The following CNTNAP2 variants were observed in gnomAD, a reference collection of about 807,000 sequenced individuals.
CNTNAP2 encodes the protein contactin associated protein 2, also known as contactin-associated protein-like 2.
In CNTNAP2, 98 loss-of-function variants were observed where a neutral mutation model predicts 155.2. The ratio of observed to expected loss-of-function variants is 0.63; its 90% CI spans 0.54 to 0.75. The LOEUF (loss-of-function observed/expected upper bound fraction) is 0.75, where lower values mean the gene tolerates loss of function less well. Ranked by LOEUF, CNTNAP2 falls within the 30% of genes least tolerant of loss-of-function variation. The probability of loss-of-function intolerance (pLI) is 0.00; values close to 1 mark genes in which losing one functional copy is unlikely to be tolerated. For missense variants in CNTNAP2, 1,727 were observed against 1,688.1 expected (o/e 1.02, Z -0.40); for synonymous variants, 651 against 631.2 (o/e 1.03, Z -0.47).
intron 12 of CNTNAP2, among the ~76,000 whole-genome samples, chr7:147,581,125 A>G (rs779087638): frequency 3.2e-4 from 49 of 152,190 alleles, no homozygotes; most frequent in Admixed American, 2.8e-3. Flanking sequence ...ACTGGCCTAG[A>G]GTCAACCATT....
intron 1 of CNTNAP2, among the ~76,000 whole-genome samples, chr7:146,265,586 G>A (rs779244335): frequency 3.3e-5 from 5 of 151,662 alleles, no homozygotes; most frequent in Non-Finnish European, 7.4e-5. Context: ...AGCCTCCTGA[G>A]TAGCTGGGAT....
intron 13 of CNTNAP2, among the ~76,000 whole-genome samples, chr7:147,754,925 A>T (rs1311216887): frequency 2.0e-5 from 3 of 152,238 alleles, no homozygotes; most frequent in African/African-American, 7.2e-5. Context: ...AAAGTTTTTT[A>T]AAAATCAAAA....
At chr7:147,107,822 A>C (rs1159329797) in intron 4 of CNTNAP2, among the ~76,000 whole-genome samples, 1 of 152,140 alleles carries the variant, frequency 6.6e-6, no homozygotes, top group Non-Finnish European at 1.5e-5. Flanking sequence ...GAGATTTAAA[A>C]ATTTTACGAT....
At chr7:148,313,428 G>T (rs1253037143) in intron 21 of CNTNAP2, among the ~76,000 whole-genome samples, 3 of 151,812 alleles carry the variant, frequency 2.0e-5, no homozygotes, top group Non-Finnish European at 4.4e-5. Context: ...TTTTCAGTGG[G>T]GTCCCGCACA....
In CNTNAP2 at chr7:146,232,847, A is replaced by G. The variant is rs143767360; in HGVS notation, c.97+115874A>G. On this transcript the variant is annotated intron_variant, in intron 1 of 23. Coordinates refer to ENST00000361727, the MANE Select transcript of CNTNAP2 (RefSeq NM_014141.6). ...AAAGACATTGACATTTGACGTTGAC[A>G]AAAACAATGTCAAAGACATTGGGGG... Among the ~76,000 whole-genome samples the G allele has an allele frequency of 3.7e-3, 565 of 152,284 alleles. 3 individuals are homozygous for G. The highest frequency in any genetic ancestry group is 6.0e-3 in the Non-Finnish European group (409 of 68,022).
At chr7:147,108,445 A>AG in intron 5 of CNTNAP2, 95 bp downstream of exon 5, 1 of 1,078,512 alleles carries the variant, frequency 9.3e-7, no homozygotes, top group Non-Finnish European at 1.3e-6. Context: ...TAAATTATAA[A>AG]AAGAGCTCAT....
chr7:147,605,914 T>A (rs911827603), intron 12 of CNTNAP2, among the ~76,000 whole-genome samples: 7 of 151,264 alleles, frequency 4.6e-5, no homozygotes, highest in Non-Finnish European at 8.8e-5. Context: ...TTTCTCTCTC[T>A]CTGTGTGTGT....
intron 22 of CNTNAP2, among the ~76,000 whole-genome samples, chr7:148,402,337 A>G (rs1799605046): frequency 6.6e-6 from 1 of 152,110 alleles, no homozygotes; most frequent in African/African-American, 2.4e-5. Context: ...TTTAGAAACT[A>G]GGAAGTGAAG....
chr7:146,735,279 A>ACGGTGG (rs1801592703), intron 1 of CNTNAP2, among the ~76,000 whole-genome samples: 1 of 152,196 alleles, frequency 6.6e-6, no homozygotes, highest in African/African-American at 2.4e-5. Flanking sequence ...GTGGCCAGGC[A>ACGGTGG]CGGTGGCTCA....
chr7:148,273,836 C>A (rs1269914563), intron 21 of CNTNAP2, among the ~76,000 whole-genome samples: 1 of 152,016 alleles, frequency 6.6e-6, no homozygotes, highest in Non-Finnish European at 1.5e-5. Context: ...GGCTAGTAGC[C>A]CCTATATTAT....
In CNTNAP2 at chr7:146,748,143, C is replaced by CTTTTTTT. The variant is rs61495352; in HGVS notation, c.98-26114_98-26108dup. Among the ~76,000 whole-genome samples the CTTTTTTT allele has an allele frequency of 6.1e-3, 601 of 97,844 alleles. 4 individuals carry two copies. The highest frequency in any genetic ancestry group is 0.013 in the African/African-American group (315 of 24,126). The allele number at this position is 97,844 out of a possible 152,430, so 64.2% of individuals were successfully genotyped here. A position where few individuals can be genotyped will look rare whatever the true frequency, so the allele number is the denominator to read the frequency against. ...GTGGTGTTTTCTTTTCTTTTCTTTT[C>CTTTTTTT]TTTTTTTTTTTTTTTTTTTTGAGAA... On this transcript the variant is annotated intron_variant, in intron 1 of 23. Transcript: ENST00000361727.
At chr7:146,326,314 A>G (rs138576807) in intron 1 of CNTNAP2, among the ~76,000 whole-genome samples, 22 of 152,252 alleles carry the variant, frequency 1.4e-4, no homozygotes, top group African/African-American at 5.3e-4. Context: ...TCAATAAACT[A>G]TTCTTGTTTG....
intron 1 of CNTNAP2, among the ~76,000 whole-genome samples, chr7:146,615,194 C>G (rs1563157423): frequency 6.6e-6 from 1 of 151,998 alleles, no homozygotes; most frequent in Non-Finnish European, 1.5e-5. Context: ...TTATAAGGAC[C>G]CTGAGCCTGA....
At chr7:147,470,285 A>G (rs1584753035) in intron 10 of CNTNAP2, among the ~76,000 whole-genome samples, 1 of 152,222 alleles carries the variant, frequency 6.6e-6, no homozygotes, top group Non-Finnish European at 1.5e-5. Flanking sequence ...TAATAGCAGT[A>G]GAGATGGTAG....
At chr7:148,404,426 G>A (rs575095934) in intron 22 of CNTNAP2, among the ~76,000 whole-genome samples, 11 of 152,322 alleles carry the variant, frequency 7.2e-5, no homozygotes, top group East Asian at 3.9e-4. Flanking sequence ...GCAGAGAAAA[G>A]GTGTGTCAAC....
intron 1 of CNTNAP2, among the ~76,000 whole-genome samples, chr7:146,426,393 ATAT>A (rs1796090673): frequency 1.7e-5 from 1 of 58,660 alleles, no homozygotes; most frequent in African/African-American, 1.8e-4. Flanking sequence ...ATGTATATAT[ATAT>A]ATATATATAT....
At chr7:146,350,467 A>G (rs551507310) in intron 1 of CNTNAP2, among the ~76,000 whole-genome samples, 4,302 of 152,186 alleles carry the variant, frequency 0.028, 216 homozygotes, top group African/African-American at 0.097. Flanking sequence ...TGCAAATCAA[A>G]ACCACAATGA....
At chr7:148,201,539 C>A (rs1047486681) in intron 18 of CNTNAP2, among the ~76,000 whole-genome samples, 2 of 152,074 alleles carry the variant, frequency 1.3e-5, no homozygotes, top group African/African-American at 4.8e-5. Context: ...TTTATTAAAC[C>A]AGTTTGTCTT....
chr7:147,623,115 TATA>T (rs1474596419), intron 12 of CNTNAP2, among the ~76,000 whole-genome samples: 1 of 151,962 alleles, frequency 6.6e-6, no homozygotes, highest in East Asian at 1.9e-4. Context: ...AGATCGAAGC[TATA>T]ATAAGAACTC....
Sources: allele counts gnomAD v4.1 joint callset (sites outside exome capture counted in the v4.1 genomes callset), GRCh38; gene constraint gnomAD v4.1.1; transcripts MANE v1.5; gene names NCBI Gene and HGNC (gene_info 2026-07-23, HGNC 2026-07-21).